The following CALM3 variants were observed in gnomAD, a reference collection of about 807,000 sequenced individuals.
The protein encoded by CALM3 is calmodulin 3.
Under a neutral mutation model 20.1 loss-of-function variants are expected in CALM3, and 5 were observed. The ratio of observed to expected loss-of-function variants is 0.25; its 90% confidence interval spans 0.13 to 0.52. CALM3 has a LOEUF of 0.52. CALM3 is among the 20% of genes least tolerant of loss of function. The pLI, the probability that CALM3 is intolerant of heterozygous loss-of-function variation, is 0.96. For synonymous variants in CALM3, 69 were observed against 68.1 expected, an observed-to-expected ratio of 1.01 and a Z score of -0.06; for missense variants, 57 against 192.8, an observed-to-expected ratio of 0.30 and a Z score of 4.17.
At chr19:46,603,426 G>C (rs189684962) in intron 1 of CALM3, among the ~76,000 whole-genome samples, 2 of 152,200 alleles carry the variant, frequency 1.3e-5, no homozygotes, top group Non-Finnish European at 2.9e-5. Context: ...TCCTTGGCCC[G>C]GGTGAGGGGC....
intron 1 of CALM3, among the ~76,000 whole-genome samples, chr19:46,603,208 CCTG>C (rs1262826405): frequency 6.6e-6 from 1 of 152,238 alleles, no homozygotes; most frequent in African/African-American, 2.4e-5. Context: ...CTGACACAGA[CCTG>C]ATGGCTCCTC....
Position 46,605,768 on chromosome 19 carries a change from G to C in CALM3, c.4-59G>C. On this transcript the variant is annotated intron_variant, in intron 1 of 5. Coordinates refer to ENST00000291295, the MANE Select transcript of CALM3 (RefSeq NM_005184.4). This position sits in a 1 kb window ranked among gnomAD's most constrained non-coding sequence, Gnocchi z 4.1. The stretch of plus-strand genomic sequence containing the variant: ...GGGGCCGAGGGTCTGGGCTGAGTGA[G>C]GAAGATGCGTCCGTGCTGTCCGGCC... 1 of 1,581,756 alleles carries C rather than the reference G, an allele frequency of 6.3e-7. No individual in the cohort carries two copies. Among genetic ancestry groups the C allele is most frequent in the East Asian group, 2.2e-5 (1 of 44,700 alleles).
chr19:46,602,088 A>G, intron 1 of CALM3: 2 of 1,304,614 alleles, frequency 1.5e-6, no homozygotes, highest in South Asian at 1.2e-5. Flanking sequence ...GAGGAGGAGG[A>G]GGGTGAGGTG....
chr19:46,609,116 A>G lies in CALM3; in HGVS notation c.422-9A>G, dbSNP rs1444529006. ...GCCTGACCTCCTCTCTCTCTGCTTC[A>G]CTCCACAGAGTTTGTACAGATGATG... On this transcript the variant is annotated splice_polypyrimidine_tract_variant and intron_variant, in intron 5 of 5. Coordinates refer to ENST00000291295, the MANE Select transcript of CALM3 (RefSeq NM_005184.4). 1.2e-6 allele frequency: 2 copies of G among 1,613,356 alleles called. No homozygotes were observed. Among genetic ancestry groups the G allele is most frequent in the African/African-American group, 2.7e-5 (2 of 74,690 alleles).
At position 46,609,398 on chromosome 19, in the gene CALM3, C is replaced by T. The variant is rs1359074892; in HGVS notation, c.*245C>T. 10 of 586,248 alleles carry T rather than the reference C, an allele frequency of 1.7e-5. No individual in the cohort carries two copies. Among genetic ancestry groups the T allele is most frequent in the Non-Finnish European group, 2.7e-5 (9 of 328,352 alleles). 36.3% of individuals were successfully genotyped at this position (586,248 alleles called of 1,614,324 possible). ...CCTCGCCTCTTCCATCCATGTCTTC[C>T]AAGGCCTGATGCATTCATAAGTTGA... On this transcript the variant is annotated 3_prime_UTR_variant, in exon 6 of 6. Transcript: ENST00000291295.
Position 46,608,778 on chromosome 19 carries a change from A to T in CALM3, c.286-68A>T, listed in dbSNP as rs979839488. 8 of 1,486,462 alleles carry T rather than the reference A, an allele frequency of 5.4e-6. No homozygotes were observed. The African/African-American group carries it at 9.8e-5, about 18-fold the overall frequency. 92.1% of individuals were successfully genotyped at this position (1,486,462 alleles called of 1,614,324 possible). On this transcript the variant is annotated intron_variant, in intron 4 of 5. Coordinates refer to ENST00000291295, the MANE Select transcript of CALM3 (RefSeq NM_005184.4). This position sits in a 1 kb window ranked among gnomAD's most constrained non-coding sequence, Gnocchi z 5.5. ...CTGCTGAGGGATGGTGATGACAGCC[A>T]CCCCTCTCACTGCCTCTCTCCCCAC...
At chr19:46,607,807 CAAAG>C (rs1971774973) in intron 2 of CALM3, among the ~76,000 whole-genome samples, 1 of 152,242 alleles carries the variant, frequency 6.6e-6, no homozygotes. Context: ...CACACTCAGA[CAAAG>C]AATCCTTTCG....
rs763914591 is a variant in CALM3 at position 46,609,194 on chromosome 19, C to T, written c.*41C>T. On this transcript the variant is annotated 3_prime_UTR_variant, in exon 6 of 6. Transcript: ENST00000291295. ...CTGGCGATGCCCGTTCTCTTGATCT[C>T]TCTCTTCTCGCGCGCGCACTCTCTC... 12 of 1,606,440 alleles carry T rather than the reference C, an allele frequency of 7.5e-6. No individual in the cohort carries two copies. The highest frequency in any genetic ancestry group is 1.0e-5 in the Non-Finnish European group (12 of 1,174,416).
At position 46,601,415 on chromosome 19, in the gene CALM3, C is replaced by T; in HGVS notation, c.-20C>T. Reference sequence around the variant, plus strand: ...CGGAGGAACCTTGATCCCCGTGCTCCGGACACCCCGGGCCTCGCCATGGTG... The same window carrying T: ...CGGAGGAACCTTGATCCCCGTGCTCTGGACACCCCGGGCCTCGCCATGGTG... On this transcript the variant is annotated 5_prime_UTR_variant, in exon 1 of 6. Coordinates refer to ENST00000291295, the MANE Select transcript of CALM3 (RefSeq NM_005184.4). This position sits in a 1 kb window ranked among gnomAD's most constrained non-coding sequence, Gnocchi z 4.2. 1.3e-6 allele frequency: 2 copies of T among 1,506,492 alleles called. No individual in the cohort carries two copies. Among genetic ancestry groups the T allele is most frequent in the Non-Finnish European group, 1.8e-6 (2 of 1,129,788 alleles). The allele number at this position is 1,506,492 out of a possible 1,614,324, so 93.3% of individuals were successfully genotyped here.
At position 46,609,189 on chromosome 19, in the gene CALM3, G is replaced by T; in HGVS notation, c.*36G>T. On this transcript the variant is annotated 3_prime_UTR_variant, in exon 6 of 6. Transcript: ENST00000291295. ...GGCAGCTGGCGATGCCCGTTCTCTT[G>T]ATCTCTCTCTTCTCGCGCGCGCACT... The T allele has an allele frequency of 6.2e-7, 1 of 1,609,802 alleles. No homozygotes were observed. The highest frequency in any genetic ancestry group is 1.1e-5 in the South Asian group (1 of 90,616).
intron 5 of CALM3, 61 bp downstream of exon 5, chr19:46,609,042 C>T: frequency 1.9e-6 from 3 of 1,610,390 alleles, no homozygotes; most frequent in East Asian, 2.2e-5. Flanking sequence ...CAGGAACAAG[C>T]CCCCAGATCC....
chr19:46,610,516 G>T lies in CALM3; in HGVS notation c.*1363G>T, dbSNP rs1466861146. On this transcript the variant is annotated 3_prime_UTR_variant, in exon 6 of 6. Coordinates refer to ENST00000291295, the MANE Select transcript of CALM3 (RefSeq NM_005184.4). ...CCTGCTTCCCCTCACTGCCCAGGTC[G>T]ATCAAGTGGCTTTTCCTGGGACCTG... 1 of 130,430 alleles carries T rather than the reference G, an allele frequency of 7.7e-6. No individual in the cohort carries two copies. Among genetic ancestry groups the T allele is most frequent in the East Asian group, 2.2e-4 (1 of 4,560 alleles). The allele number at this position is 130,430 out of a possible 1,614,324, so 8.1% of individuals were successfully genotyped here.
rs1336299123 is a variant in CALM3, at chr19:46,610,293, C to T, written c.*1140C>T. ...CTTCCTCACATCTGTGCTCCGTGCC[C>T]TCTTCCCTGCCTCTTCCCTCGCCCA... On this transcript the variant is annotated 3_prime_UTR_variant, in exon 6 of 6. Coordinates refer to ENST00000291295, the MANE Select transcript of CALM3 (RefSeq NM_005184.4). 1 of 152,912 alleles carries T rather than the reference C, an allele frequency of 6.5e-6. No individual in the cohort carries two copies. The highest frequency in any genetic ancestry group is 2.4e-5 in the African/African-American group (1 of 41,448). The allele number at this position is 152,912 out of a possible 1,614,324, so 9.5% of individuals were successfully genotyped here. A position where few individuals can be genotyped will look rare whatever the true frequency, so the allele number is the denominator to read the frequency against.
Position 46,608,887 on chromosome 19 carries a change from A to G in CALM3, c.327A>G (p.Val109=), listed in dbSNP as rs1971804720. 1 of 1,602,160 alleles carries G rather than the reference A, an allele frequency of 6.2e-7. No individual in the cohort carries two copies. The highest frequency in any genetic ancestry group is 8.5e-7 in the Non-Finnish European group (1 of 1,174,552). ...GYISAAELRH[V]MTNLGEKLTD... ...TCAGCGCCGCAGAGCTGCGTCACGT[A>G]ATGACGAACCTGGGGGAGAAGCTGA... is the stretch of plus-strand genomic sequence containing the variant. Residue 109 remains valine (V), a synonymous_variant, in exon 5 of 6, where the codon GTA becomes GTG. Transcript: ENST00000291295. This position sits in a 1 kb window ranked among gnomAD's most constrained non-coding sequence, Gnocchi z 5.5.
At chr19:46,601,304 C>A, upstream of CALM3, 1 of 801,636 alleles carries the variant, frequency 1.2e-6, no homozygotes, top group Non-Finnish European at 1.7e-6. This position sits in a 1 kb window ranked among gnomAD's most constrained non-coding sequence, Gnocchi z 4.2. Context: ...CGGGAGGCGG[C>A]GGCGGCGGCG....
At position 46,608,501 on chromosome 19, in the gene CALM3, C is replaced by T. The variant is rs1348105292; in HGVS notation, c.198C>T (p.Phe66=). The T allele has an allele frequency of 2.5e-6, 4 of 1,613,996 alleles. No individual in the cohort carries two copies. The highest frequency in any genetic ancestry group is 1.1e-5 in the South Asian group (1 of 91,088). Residue 66 remains phenylalanine (F), a synonymous_variant, in exon 4 of 6, where the codon TTC becomes TTT. Transcript: ENST00000291295. The surrounding 1 kb of genome is among the most constrained non-coding windows in gnomAD (Gnocchi z 5.5). ...TTCCAGGGAACGGGACCATTGACTTCCCGGAGTTCCTGACCATGATGGCCA... is the reference window on the plus strand; with the variant it reads ...TTCCAGGGAACGGGACCATTGACTTTCCGGAGTTCCTGACCATGATGGCCA... The part of the protein sequence containing the change: ...VDADGNGTID[F]PEFLTMMARK...
upstream of CALM3, chr19:46,601,139 C>T: frequency 1.5e-6 from 1 of 677,382 alleles, no homozygotes; most frequent in Non-Finnish European, 2.4e-6. The surrounding 1 kb of genome is among the most constrained non-coding windows in gnomAD (Gnocchi z 4.2). Flanking sequence ...AACCCAATTC[C>T]TGTGCAGGGT....
Position 46,601,541 on chromosome 19 carries a change from C to A in CALM3, c.3+104C>A. On this transcript the variant is annotated intron_variant, in intron 1 of 5. Transcript: ENST00000291295. This position sits in a 1 kb window ranked among gnomAD's most constrained non-coding sequence, Gnocchi z 4.2. Reference sequence around the variant, plus strand: ...GAGCCCAGAGTGGGGGGCGTCCGGGCCCGGCGAGAGCCTCGGGACCCTTTT... The same window carrying A: ...GAGCCCAGAGTGGGGGGCGTCCGGGACCGGCGAGAGCCTCGGGACCCTTTT... 1.8e-6 allele frequency: 2 copies of A among 1,119,456 alleles called. No homozygotes were observed. The highest frequency in any genetic ancestry group is 2.3e-6 in the Non-Finnish European group (2 of 855,318). The allele number at this position is 1,119,456 out of a possible 1,614,324, so 69.3% of individuals were successfully genotyped here.
In CALM3 at chr19:46,605,895, C is replaced by T. The variant is rs1971733155; in HGVS notation, c.34+38C>T. 5 of 1,602,226 alleles carry T rather than the reference C, an allele frequency of 3.1e-6. No individual in the cohort carries two copies. Among genetic ancestry groups the T allele is most frequent in the Non-Finnish European group, 4.3e-6 (5 of 1,169,348 alleles). ...TCCCCCTCATCTTAGCTCAGGAAAG[C>T]CTCCACATCCCCAGCCAAATCTTAG... On this transcript the variant is annotated intron_variant, in intron 2 of 5. Coordinates refer to ENST00000291295, the MANE Select transcript of CALM3 (RefSeq NM_005184.4). The surrounding 1 kb of genome is among the most constrained non-coding windows in gnomAD (Gnocchi z 4.1).
Sources: allele counts gnomAD v4.1 joint callset (sites outside exome capture counted in the v4.1 genomes callset), GRCh38; gene constraint gnomAD v4.1.1; non-coding constraint Gnocchi (gnomAD v3.1); transcripts MANE v1.5; gene names NCBI Gene and HGNC (gene_info 2026-07-23, HGNC 2026-07-21).